The following BMP6 variants were observed in gnomAD, a reference collection of about 807,000 sequenced individuals.
The protein encoded by BMP6 is bone morphogenetic protein 6, also known as VG-1-R.
In BMP6, 17 loss-of-function variants were observed where a neutral mutation model predicts 54.1. The ratio of observed to expected loss-of-function variants is 0.31; its 90% confidence interval spans 0.22 to 0.47. The LOEUF is 0.47. Ranked by LOEUF, BMP6 falls within the 20% of genes least tolerant of loss-of-function variation. BMP6 has a pLI of 1.00. For synonymous variants in BMP6, 328 were observed against 291.2 expected, an observed-to-expected ratio of 1.13 and a Z score of -1.28; for missense variants, 720 against 690.4, an observed-to-expected ratio of 1.04 and a Z score of -0.48.
At chr6:7,867,778 A>T (rs138685954) in intron 4 of BMP6, among the ~76,000 whole-genome samples, 1 of 152,352 alleles carries the variant, frequency 6.6e-6, no homozygotes, top group African/African-American at 2.4e-5. Context: ...TCTAAAAGTT[A>T]GAATCACCAA....
chr6:7,793,276 A>G (rs1425703767), intron 1 of BMP6, among the ~76,000 whole-genome samples: 1 of 151,116 alleles, frequency 6.6e-6, no homozygotes, highest in Non-Finnish European at 1.5e-5. Context: ...CAAACTGAAA[A>G]GGTTACATAC....
At chr6:7,854,442 G>A (rs1759193148) in intron 2 of BMP6, among the ~76,000 whole-genome samples, 1 of 152,162 alleles carries the variant, frequency 6.6e-6, no homozygotes, top group Non-Finnish European at 1.5e-5. Flanking sequence ...GGACGGGAAT[G>A]TGGAAATGTA....
At chr6:7,876,829 T>C (rs1043197280) in intron 4 of BMP6, among the ~76,000 whole-genome samples, 15 of 152,224 alleles carry the variant, frequency 9.9e-5, no homozygotes, top group African/African-American at 1.2e-4. Flanking sequence ...CATAATTTTG[T>C]TTTAAGGTTT....
chr6:7,769,621 A>G (rs574553151), intron 1 of BMP6, among the ~76,000 whole-genome samples: 2 of 152,340 alleles, frequency 1.3e-5, no homozygotes, highest in South Asian at 4.1e-4. Flanking sequence ...AGCATAGGAA[A>G]ACCCTTATGA....
chr6:7,811,916 C>G (rs952721668), intron 1 of BMP6, among the ~76,000 whole-genome samples: 1 of 152,174 alleles, frequency 6.6e-6, no homozygotes, highest in African/African-American at 2.4e-5. Context: ...GGATTCTTAA[C>G]TAAGTGAAAA....
chr6:7,785,232 A>G (rs1431972539), intron 1 of BMP6, among the ~76,000 whole-genome samples: 1 of 152,240 alleles, frequency 6.6e-6, no homozygotes, highest in African/African-American at 2.4e-5. Flanking sequence ...TAGCGGGTCT[A>G]CTAAGTTGGA....
chr6:7,755,731 C>T (rs1402101216), intron 1 of BMP6, among the ~76,000 whole-genome samples: 5 of 151,852 alleles, frequency 3.3e-5, no homozygotes, highest in African/African-American at 4.8e-5. Context: ...TAATACTTGT[C>T]TACTGGTGAT....
Position 7,727,204 on chromosome 6 carries a change from C to T in BMP6, c.249C>T (p.Ile83=), listed in dbSNP as rs767598408. The change falls in exon 1 of 7, where the codon ATC becomes ATT. Residue 83 remains isoleucine (I), a synonymous_variant. Coordinates refer to ENST00000283147, the MANE Select transcript of BMP6 (RefSeq NM_001718.6). ...AGAAGCGGGAGATGCAGAAGGAGAT[C>T]TTGTCGGTGCTGGGGCTCCCGCACC... ...TQEKREMQKE[I]LSVLGLPHRP... 1.4e-5 allele frequency: 22 copies of T among 1,604,770 alleles called. No homozygotes were observed. Among genetic ancestry groups the T allele is most frequent in the East Asian group, 2.2e-5 (1 of 44,490 alleles).
intron 1 of BMP6, among the ~76,000 whole-genome samples, chr6:7,729,930 T>G (rs1229906625): frequency 6.6e-6 from 1 of 152,182 alleles, no homozygotes; most frequent in African/African-American, 2.4e-5. Context: ...GACTCAAAAC[T>G]CCTGGCCTCA....
At chr6:7,840,647 T>C (rs1352619947) in intron 1 of BMP6, among the ~76,000 whole-genome samples, 1 of 152,106 alleles carries the variant, frequency 6.6e-6, no homozygotes, top group East Asian at 1.9e-4. Flanking sequence ...TTTTATTTAG[T>C]ATTAAAAAGA....
rs962752636 is a variant in BMP6, at chr6:7,726,241, G to C, written c.-715G>C. On this transcript the variant is annotated 5_prime_UTR_variant, in exon 1 of 7. Transcript: ENST00000283147. ...TGCGAGCGGGTTTGCTGGGCAGCCG[G>C]GCGACCGCCGAACGGAAAGCAAGAT... is the stretch of plus-strand genomic sequence containing the variant. Among the ~76,000 whole-genome samples, 1 of 152,196 alleles carries C rather than the reference G, an allele frequency of 6.6e-6. No individual in the cohort carries two copies. The highest frequency in any genetic ancestry group is 1.5e-5 in the Non-Finnish European group (1 of 68,028).
At chr6:7,743,494 T>C (rs1757301065) in intron 1 of BMP6, among the ~76,000 whole-genome samples, 1 of 150,496 alleles carries the variant, frequency 6.6e-6, no homozygotes, top group Non-Finnish European at 1.5e-5. Flanking sequence ...AGCCAATGGA[T>C]TGGGCATCTC....
At chr6:7,828,184 T>G (rs1299725119) in intron 1 of BMP6, among the ~76,000 whole-genome samples, 1 of 152,232 alleles carries the variant, frequency 6.6e-6, no homozygotes, top group Non-Finnish European at 1.5e-5. Flanking sequence ...TACAATCAAA[T>G]AGGGCTGAAC....
At chr6:7,782,267 G>A (rs566161929) in intron 1 of BMP6, among the ~76,000 whole-genome samples, 2 of 152,132 alleles carry the variant, frequency 1.3e-5, no homozygotes, top group Non-Finnish European at 2.9e-5. Flanking sequence ...GATTGGTGGA[G>A]GGAGATTGTA....
At chr6:7,813,403 T>C (rs1362300620) in intron 1 of BMP6, among the ~76,000 whole-genome samples, 2 of 124,594 alleles carry the variant, frequency 1.6e-5, no homozygotes, top group African/African-American at 6.2e-5. Flanking sequence ...AAGAGGTTGC[T>C]TAACCCTAGG....
intron 1 of BMP6, among the ~76,000 whole-genome samples, chr6:7,838,714 G>A (rs962564336): frequency 6.6e-6 from 1 of 152,076 alleles, no homozygotes; most frequent in Non-Finnish European, 1.5e-5. Flanking sequence ...AGGCCGAGGC[G>A]GGTGGATCAC....
At chr6:7,861,837 A>T (rs188715752) in intron 3 of BMP6, among the ~76,000 whole-genome samples, 73 of 152,314 alleles carry the variant, frequency 4.8e-4, no homozygotes, top group East Asian at 1.5e-3. Flanking sequence ...TGTTTCCAAG[A>T]GGATGGCGAT....
intron 1 of BMP6, among the ~76,000 whole-genome samples, chr6:7,744,138 C>G (rs1326441649): frequency 6.6e-6 from 1 of 152,212 alleles, no homozygotes; most frequent in Non-Finnish European, 1.5e-5. Flanking sequence ...GTTTATCCAT[C>G]CATTTTCCCA....
chr6:7,764,774 T>C (rs1043049340), intron 1 of BMP6, among the ~76,000 whole-genome samples: 1 of 152,152 alleles, frequency 6.6e-6, no homozygotes, highest in African/African-American at 2.4e-5. Flanking sequence ...CGCCCCCATG[T>C]CCGGCTGCCC....
Sources: allele counts gnomAD v4.1 joint callset (sites outside exome capture counted in the v4.1 genomes callset), GRCh38; gene constraint gnomAD v4.1.1; transcripts MANE v1.5; gene names NCBI Gene and HGNC (gene_info 2026-07-23, HGNC 2026-07-21).